SCUBE1: variants seen among roughly 807,000 people sequenced by gnomAD.
SCUBE1 encodes signal peptide, CUB domain and EGF like domain containing 1.
In SCUBE1, 59 loss-of-function variants were observed where a neutral mutation model predicts 124.4. That is an observed-to-expected ratio of 0.47 (90% CI 0.38 to 0.59). SCUBE1 has a LOEUF of 0.59. Among genes scored for constraint, SCUBE1 ranks in the 20% least tolerant of loss-of-function variants. The probability of loss-of-function intolerance (pLI) is 0.00; values close to 1 mark genes in which losing one functional copy is unlikely to be tolerated. For synonymous variants in SCUBE1, 545 were observed against 550.9 expected, an observed-to-expected ratio of 0.99 and a Z score of 0.15; for missense variants, 1,150 against 1,371.2, an observed-to-expected ratio of 0.84 and a Z score of 2.55.
At position 43,201,119 on chromosome 22, in the gene SCUBE1, T is replaced by C. The variant is rs991572791; in HGVS notation, c.*2878A>G. On this transcript the variant is annotated 3_prime_UTR_variant, in exon 22 of 22. Transcript: ENST00000360835. The stretch of plus-strand genomic sequence containing the variant: ...GAGATCGAGACCATCCTGGCTAATA[T>C]GGTGAAACCCTGTCTCTACTAAAAA... 15 of 151,396 alleles carry C rather than the reference T, an allele frequency of 9.9e-5. No individual in the cohort carries two copies. Among genetic ancestry groups the C allele is most frequent in the East Asian group, 5.8e-4 (3 of 5,144 alleles). The allele number at this position is 151,396 out of a possible 1,614,324, so 9.4% of individuals were successfully genotyped here. A position where few individuals can be genotyped will look rare whatever the true frequency, so the allele number is the denominator to read the frequency against.
intron 2 of SCUBE1, among the ~76,000 whole-genome samples, chr22:43,323,774 C>G (rs1489077498): frequency 6.6e-6 from 1 of 152,302 alleles, no homozygotes; most frequent in East Asian, 1.9e-4. Context: ...CTTCTATTAA[C>G]TCACTGATTC....
At chr22:43,300,267 A>G (rs997480815) in intron 3 of SCUBE1, among the ~76,000 whole-genome samples, 3 of 148,494 alleles carry the variant, frequency 2.0e-5, no homozygotes, top group Admixed American at 6.7e-5. Flanking sequence ...ATTTCTCCAT[A>G]TCCTCGCCAA....
intron 15 of SCUBE1, among the ~76,000 whole-genome samples, chr22:43,214,485 T>C (rs1280603772): frequency 6.6e-6 from 1 of 152,196 alleles, no homozygotes; most frequent in Non-Finnish European, 1.5e-5. Context: ...CAGAGTCCTC[T>C]GTGGACCCCT....
Position 43,212,564 on chromosome 22 carries a change from G to A in SCUBE1, c.2082C>T (p.Ala694=), listed in dbSNP as rs770602183. The change falls in exon 17 of 22, where the codon GCC becomes GCT. Residue 694 remains alanine, a synonymous_variant. Transcript: ENST00000360835. ...GGQCSPGFFS[A]DGFKPCQACP... ...AGGCCTGGCAGGGCTTGAAGCCATC[G>A]GCCGAGAAGAAGCCTGGAGAACACT... 1.1e-5 allele frequency: 18 copies of A among 1,566,798 alleles called. No homozygotes were observed. Among genetic ancestry groups the A allele is most frequent in the Admixed American group, 3.7e-5 (2 of 53,334 alleles).
intron 3 of SCUBE1, among the ~76,000 whole-genome samples, chr22:43,313,139 G>A (rs1402416456): frequency 6.6e-6 from 1 of 152,190 alleles, no homozygotes; most frequent in Non-Finnish European, 1.5e-5. Flanking sequence ...AGGCACACAG[G>A]AGGCTCAACC....
At chr22:43,290,343 C>T (rs1925311027) in intron 4 of SCUBE1, among the ~76,000 whole-genome samples, 1 of 152,200 alleles carries the variant, frequency 6.6e-6, no homozygotes, top group Non-Finnish European at 1.5e-5. Flanking sequence ...GCACATGTGT[C>T]CTGGCTTTCT....
In SCUBE1 at chr22:43,222,012, C is replaced by T. The variant is rs1470379778; in HGVS notation, c.1432+626G>A. Among the ~76,000 whole-genome samples the T allele has an allele frequency of 9.2e-5, 14 of 152,108 alleles. No homozygotes were observed. The East Asian group carries it at 1.7e-3, about 19-fold the overall frequency. On this transcript the variant is annotated intron_variant, in intron 12 of 21. Coordinates refer to ENST00000360835, the MANE Select transcript of SCUBE1 (RefSeq NM_173050.5). The stretch of plus-strand genomic sequence containing the variant: ...CTGGGAGGCGGAGGTTGCAGTGAGC[C>T]GAGATCACGCCACTGCACTCCAGCC...
intron 8 of SCUBE1, among the ~76,000 whole-genome samples, chr22:43,231,342 C>G (rs1431116272): frequency 6.6e-6 from 1 of 152,246 alleles, no homozygotes; most frequent in Non-Finnish European, 1.5e-5. Flanking sequence ...TGCCCAGACC[C>G]CTCCTCATTA....
chr22:43,333,046 C>T (rs1204380015), intron 2 of SCUBE1, among the ~76,000 whole-genome samples: 2 of 152,124 alleles, frequency 1.3e-5, no homozygotes, highest in Admixed American at 1.3e-4. Context: ...GCTCACATTC[C>T]AGGAGGAGAC....
chr22:43,214,379 G>A (rs1354754319), intron 15 of SCUBE1, 128 bp from the exon 16 acceptor site: 1 of 879,710 alleles, frequency 1.1e-6, no homozygotes, highest in Non-Finnish European at 1.7e-6. Flanking sequence ...AGGACACAGA[G>A]GGGCCCCTGA....
intron 4 of SCUBE1, among the ~76,000 whole-genome samples, chr22:43,289,919 C>G (rs1925292791): frequency 6.6e-6 from 1 of 152,172 alleles, no homozygotes; most frequent in South Asian, 2.1e-4. Context: ...TGCTGTGTAC[C>G]AGAGAGGGGC....
intron 4 of SCUBE1, 146 bp from the exon 5 acceptor site, chr22:43,262,991 A>G (rs1923929281): frequency 5.0e-6 from 4 of 807,420 alleles, no homozygotes; most frequent in East Asian, 2.7e-5. Context: ...GCACTTGCGC[A>G]CACACACATA....
intron 4 of SCUBE1, among the ~76,000 whole-genome samples, chr22:43,290,108 C>G (rs1202652423): frequency 1.3e-5 from 2 of 152,208 alleles, no homozygotes; most frequent in Non-Finnish European, 2.9e-5. Context: ...GCCCTCACAG[C>G]ACACTCTGCT....
chr22:43,272,714 G>A (rs2146723354), intron 4 of SCUBE1, among the ~76,000 whole-genome samples: 1 of 152,326 alleles, frequency 6.6e-6, no homozygotes, highest in South Asian at 2.1e-4. Flanking sequence ...AGCTCACCGG[G>A]CACGGACATG....
chr22:43,224,811 T>G (rs1329741605), intron 10 of SCUBE1, among the ~76,000 whole-genome samples: 1 of 152,150 alleles, frequency 6.6e-6, no homozygotes, highest in Non-Finnish European at 1.5e-5. Flanking sequence ...ATGAAAGTGA[T>G]GATCATGGGC....
intron 3 of SCUBE1, among the ~76,000 whole-genome samples, chr22:43,302,469 A>G (rs983833327): frequency 6.6e-6 from 1 of 152,168 alleles, no homozygotes; most frequent in African/African-American, 2.4e-5. Context: ...TTCCTCCTTG[A>G]ACTTCTAGAT....
At chr22:43,232,675 C>A (rs922379522) in intron 7 of SCUBE1, among the ~76,000 whole-genome samples, 43 of 152,204 alleles carry the variant, frequency 2.8e-4, no homozygotes, top group African/African-American at 1.0e-3. Flanking sequence ...ATAAATGATG[C>A]CATCCTGAGC....
At chr22:43,273,607 G>A (rs1002844736) in intron 4 of SCUBE1, among the ~76,000 whole-genome samples, 11 of 106,458 alleles carry the variant, frequency 1.0e-4, no homozygotes, top group East Asian at 3.1e-4. Flanking sequence ...TCACTCTGCC[G>A]CCCAGGCTGG....
chr22:43,226,563 C>A (rs1450440273), intron 10 of SCUBE1, among the ~76,000 whole-genome samples: 1 of 149,058 alleles, frequency 6.7e-6, no homozygotes, highest in Non-Finnish European at 1.5e-5. Context: ...AGCCTTCGGG[C>A]CATTCCAAGC....
Sources: allele counts gnomAD v4.1 joint callset (sites outside exome capture counted in the v4.1 genomes callset), GRCh38; gene constraint gnomAD v4.1.1; transcripts MANE v1.5; gene names NCBI Gene and HGNC (gene_info 2026-07-23, HGNC 2026-07-21).